The following SHISA9 variants were observed in gnomAD, a reference collection of about 807,000 sequenced individuals.
SHISA9 encodes protein shisa-9.
In SHISA9, 13 loss-of-function variants were observed where a neutral mutation model predicts 38.0. The observed-to-expected ratio is 0.34, with a 90% confidence interval of 0.22 to 0.54. SHISA9 has a LOEUF of 0.54. Among genes scored for constraint, SHISA9 ranks in the 20% least tolerant of loss-of-function variants. The pLI is 0.91. For missense variants in SHISA9, 538 were observed against 575.8 expected (o/e 0.93, Z 0.67); for synonymous variants, 275 against 242.0 (o/e 1.14, Z -1.27).
intron 2 of SHISA9, among the ~76,000 whole-genome samples, chr16:13,103,749 A>G (rs1264927452): frequency 6.6e-6 from 1 of 152,182 alleles, no homozygotes; most frequent in Non-Finnish European, 1.5e-5. Context: ...TTCATCTCAT[A>G]GTGTCCACCA....
At chr16:13,005,227 C>T (rs2072583422) in intron 2 of SHISA9, among the ~76,000 whole-genome samples, 1 of 151,998 alleles carries the variant, frequency 6.6e-6, no homozygotes, top group Admixed American at 6.5e-5. Context: ...AACAGAGAAG[C>T]CAAGTCAGTG....
chr16:13,272,479 C>T, the SHISA9 span, among the ~76,000 whole-genome samples: 1 of 152,032 alleles, frequency 6.6e-6, no homozygotes, highest in African/African-American at 2.4e-5. Context: ...CCTCCCACCT[C>T]GACCTCAGAA....
the SHISA9 span, among the ~76,000 whole-genome samples, chr16:13,543,540 G>A: frequency 6.6e-6 from 1 of 152,154 alleles, no homozygotes; most frequent in Non-Finnish European, 1.5e-5. Context: ...TTTGACCCCA[G>A]AGTCCTTGAT....
chr16:13,289,364 G>C, the SHISA9 span, among the ~76,000 whole-genome samples: 2 of 151,328 alleles, frequency 1.3e-5, no homozygotes, highest in Non-Finnish European at 2.9e-5. Flanking sequence ...TTTGGTTGGT[G>C]GGGGGGCGGG....
chr16:13,283,905 C>T, the SHISA9 span, among the ~76,000 whole-genome samples: 1 of 152,054 alleles, frequency 6.6e-6, no homozygotes, highest in Non-Finnish European at 1.5e-5. Flanking sequence ...TCAACCCTAA[C>T]TTTTGTTGTC....
intron 2 of SHISA9, among the ~76,000 whole-genome samples, chr16:13,019,808 CT>C (rs1567183825): frequency 1.4e-5 from 2 of 140,752 alleles, no homozygotes; most frequent in Non-Finnish European, 3.1e-5. Context: ...TTCTTTCTTT[CT>C]TTCTTTCTTT....
chr16:13,562,951 T>C, the SHISA9 span: 517 of 152,346 alleles, frequency 3.4e-3, 4 homozygotes, highest in African/African-American at 0.012. Flanking sequence ...AAACATGCTC[T>C]GCAGAACACT....
At chr16:13,493,494 C>T in the SHISA9 span, among the ~76,000 whole-genome samples, 1 of 152,050 alleles carries the variant, frequency 6.6e-6, no homozygotes, top group African/African-American at 2.4e-5. Context: ...TTTTCATGAC[C>T]CCTGATATCT....
At chr16:13,047,978 C>A (rs1179492101) in intron 2 of SHISA9, among the ~76,000 whole-genome samples, 5 of 152,132 alleles carry the variant, frequency 3.3e-5, no homozygotes, top group African/African-American at 1.2e-4. Flanking sequence ...CAGGCCCTGT[C>A]CAGAAGACTC....
chr16:13,058,662 C>T (rs942128901), intron 2 of SHISA9, among the ~76,000 whole-genome samples: 5 of 152,174 alleles, frequency 3.3e-5, no homozygotes, highest in Middle Eastern at 3.4e-3. Context: ...TGTCATCTTT[C>T]GAGGAGAGGT....
At chr16:13,503,811 C>T in the SHISA9 span, among the ~76,000 whole-genome samples, 1 of 152,090 alleles carries the variant, frequency 6.6e-6, no homozygotes, top group African/African-American at 2.4e-5. Context: ...CACATGTTCA[C>T]AGTAAAACTA....
intron 2 of SHISA9, among the ~76,000 whole-genome samples, chr16:12,988,430 A>G (rs1299697777): frequency 6.6e-6 from 1 of 152,120 alleles, no homozygotes; most frequent in Non-Finnish European, 1.5e-5. Context: ...GTGATCACTC[A>G]TTCTCAGACA....
the SHISA9 span, among the ~76,000 whole-genome samples, chr16:13,298,125 A>G: frequency 6.6e-6 from 1 of 152,140 alleles, no homozygotes; most frequent in African/African-American, 2.4e-5. Context: ...CATTCTTGTG[A>G]CCAATTCAAT....
At chr16:13,270,758 A>G in the SHISA9 span, among the ~76,000 whole-genome samples, 1 of 152,234 alleles carries the variant, frequency 6.6e-6, no homozygotes, top group Non-Finnish European at 1.5e-5. Context: ...AGCTGTCACT[A>G]AATATGATTT....
At chr16:13,133,576 T>C (rs2050323287) in intron 2 of SHISA9, among the ~76,000 whole-genome samples, 2 of 152,168 alleles carry the variant, frequency 1.3e-5, no homozygotes, top group African/African-American at 2.4e-5. Flanking sequence ...GCAAGCCCCA[T>C]TGTATATGAA....
At chr16:12,999,943 T>A (rs2072503714) in intron 2 of SHISA9, among the ~76,000 whole-genome samples, 1 of 152,220 alleles carries the variant, frequency 6.6e-6, no homozygotes, top group Non-Finnish European at 1.5e-5. Flanking sequence ...GTTATTCAGC[T>A]ATGTGCATGG....
chr16:13,429,806 T>A, the SHISA9 span, among the ~76,000 whole-genome samples: 4 of 152,244 alleles, frequency 2.6e-5, no homozygotes, highest in South Asian at 4.1e-4. Flanking sequence ...TGTATCAGCA[T>A]ATAAAGATGA....
At chr16:13,464,646 G>A in the SHISA9 span, among the ~76,000 whole-genome samples, 9 of 152,040 alleles carry the variant, frequency 5.9e-5, no homozygotes, top group Admixed American at 2.6e-4. Context: ...TAGAGCAACC[G>A]GAAATTTTCC....
the SHISA9 span, among the ~76,000 whole-genome samples, chr16:13,343,294 A>G: frequency 6.6e-6 from 1 of 152,306 alleles, no homozygotes; most frequent in African/African-American, 2.4e-5. Flanking sequence ...ATTATATCTT[A>G]TCTTCCCAAG....
Sources: allele counts gnomAD v4.1 joint callset (sites outside exome capture counted in the v4.1 genomes callset), GRCh38; gene constraint gnomAD v4.1.1; transcripts MANE v1.5; gene names NCBI Gene and HGNC (gene_info 2026-07-23, HGNC 2026-07-21).